RIMS2: variants seen among roughly 807,000 people sequenced by gnomAD.
RIMS2 encodes regulating synaptic membrane exocytosis protein 2.
Under a neutral mutation model 174.4 loss-of-function variants are expected in RIMS2, and 59 were observed. The ratio of observed to expected loss-of-function variants is 0.34; its 90% CI spans 0.27 to 0.42. The LOEUF (loss-of-function observed/expected upper bound fraction) is 0.42, where lower values mean the gene tolerates loss of function less well. Among genes scored for constraint, RIMS2 ranks in the 10% least tolerant of loss-of-function variants. The pLI is 1.00. For missense variants in RIMS2, 1,620 were observed against 1,666.3 expected (o/e 0.97, Z 0.48); for synonymous variants, 606 against 572.5 (o/e 1.06, Z -0.84).
chr8:103,677,207 G>A (rs2096825933), intron 1 of RIMS2, among the ~76,000 whole-genome samples: 1 of 151,916 alleles, frequency 6.6e-6, no homozygotes, highest in African/African-American at 2.4e-5. Context: ...TTGCCTCTCA[G>A]ATCCGCTTGA....
At chr8:103,607,074 T>G (rs2095133056) in intron 1 of RIMS2, among the ~76,000 whole-genome samples, 1 of 152,140 alleles carries the variant, frequency 6.6e-6, no homozygotes, top group Non-Finnish European at 1.5e-5. Flanking sequence ...TGCTCGTTAG[T>G]TGATGCAGTT....
intron 10 of RIMS2, 196 bp downstream of exon 13, chr8:103,921,980 A>G (rs760058095): frequency 2.1e-4 from 66 of 317,052 alleles, no homozygotes; most frequent in Non-Finnish European, 3.6e-4. Flanking sequence ...AGTTAGATTT[A>G]CTGAAATTTA....
At chr8:104,059,856 A>T (rs1388204765) in intron 19 of RIMS2, among the ~76,000 whole-genome samples, 10 of 152,136 alleles carry the variant, frequency 6.6e-5, no homozygotes, top group Admixed American at 6.5e-4. Flanking sequence ...TGTTCTGTTT[A>T]TATGCTGGAT....
intron 1 of RIMS2, among the ~76,000 whole-genome samples, chr8:103,639,173 C>G (rs2096166033): frequency 1.3e-5 from 2 of 152,010 alleles, no homozygotes; most frequent in Admixed American, 6.6e-5. Context: ...TTACAGTTAT[C>G]TAGTTAAAAT....
intron 2 of RIMS2, among the ~76,000 whole-genome samples, chr8:103,749,811 A>G (rs190948296): frequency 3.9e-5 from 6 of 152,310 alleles, no homozygotes; most frequent in Non-Finnish European, 7.3e-5. Flanking sequence ...AATTCATTTT[A>G]TAAATGTTCT....
intron 1 of RIMS2, among the ~76,000 whole-genome samples, chr8:103,645,522 A>G (rs1324295133): frequency 6.6e-6 from 1 of 152,086 alleles, no homozygotes; most frequent in Non-Finnish European, 1.5e-5. Flanking sequence ...AAAGTCTAGG[A>G]TTTTGCTGAC....
intron 3 of RIMS2, among the ~76,000 whole-genome samples, chr8:103,802,120 CT>C (rs2098613170): frequency 6.6e-6 from 1 of 152,080 alleles, no homozygotes; most frequent in Admixed American, 6.6e-5. Flanking sequence ...CAGCAGCACT[CT>C]TTTTTAAGCT....
chr8:103,917,186 C>G (rs1157995428), intron 8 of RIMS2, among the ~76,000 whole-genome samples: 1 of 152,080 alleles, frequency 6.6e-6, no homozygotes, highest in Non-Finnish European at 1.5e-5. Context: ...CAGAAAAATA[C>G]TACTGTTAGT....
chr8:104,076,118 C>T (rs1462859084), intron 19 of RIMS2, among the ~76,000 whole-genome samples: 5 of 152,118 alleles, frequency 3.3e-5, no homozygotes, highest in Non-Finnish European at 7.3e-5. Context: ...CAAATAAGAG[C>T]AGCATTATAT....
chr8:103,518,727 TTATGA>T (rs1295487037), intron 1 of RIMS2, among the ~76,000 whole-genome samples: 4 of 152,084 alleles, frequency 2.6e-5, no homozygotes, highest in African/African-American at 9.7e-5. Context: ...ATAGGGCCTG[TTATGA>T]TATGTTAACA....
chr8:103,858,933 T>C (rs1392896985), intron 3 of RIMS2, among the ~76,000 whole-genome samples: 3 of 152,080 alleles, frequency 2.0e-5, no homozygotes, highest in Non-Finnish European at 4.4e-5. Context: ...TTTGTGTGAA[T>C]GGGTTCAATC....
intron 2 of RIMS2, among the ~76,000 whole-genome samples, chr8:103,739,010 G>A (rs74481443): frequency 0.23 from 34,929 of 151,966 alleles, 4,308 homozygotes; most frequent in Non-Finnish European, 0.25. Context: ...ACCATTTGAC[G>A]TAGCCATCCC....
intron 2 of RIMS2, among the ~76,000 whole-genome samples, chr8:103,759,024 C>G (rs1018710991): frequency 6.6e-6 from 1 of 151,242 alleles, no homozygotes; most frequent in African/African-American, 2.4e-5. Flanking sequence ...CTTGTTTCTT[C>G]TATTCTTCTA....
At chr8:103,976,548 C>CTTTTTCTTTTTTTTTTT (rs1555075311) in intron 16 of RIMS2, 1 of 124,568 alleles carries the variant, frequency 8.0e-6, no homozygotes, top group Non-Finnish European at 1.7e-5. Flanking sequence ...TTTTCTTTTT[C>CTTTTTCTTTTTTTTTTT]TTTTTTTTTT....
chr8:103,798,730 G>A (rs2098577550), intron 3 of RIMS2, among the ~76,000 whole-genome samples: 1 of 152,100 alleles, frequency 6.6e-6, no homozygotes, highest in African/African-American at 2.4e-5. Context: ...GCATTATAAT[G>A]TGGTAGACAG....
intron 2 of RIMS2, among the ~76,000 whole-genome samples, chr8:103,717,753 C>T (rs1275210633): frequency 1.3e-5 from 2 of 152,186 alleles, no homozygotes; most frequent in Admixed American, 1.3e-4. Context: ...TGGGACATTG[C>T]AAATAAAATT....
intron 19 of RIMS2, among the ~76,000 whole-genome samples, chr8:104,064,376 T>G (rs2097064517): frequency 6.6e-6 from 1 of 152,166 alleles, no homozygotes; most frequent in African/African-American, 2.4e-5. Context: ...TATTTTGAGC[T>G]ATTTATTAAT....
At chr8:103,512,224 A>G (rs1472828034) in intron 1 of RIMS2, among the ~76,000 whole-genome samples, 1 of 152,168 alleles carries the variant, frequency 6.6e-6, no homozygotes, top group Non-Finnish European at 1.5e-5. Context: ...TAATGTCACT[A>G]TGGCTCCCTC....
At chr8:103,535,162 GA>G (rs1465288018) in intron 1 of RIMS2, among the ~76,000 whole-genome samples, 1 of 152,174 alleles carries the variant, frequency 6.6e-6, no homozygotes, top group Non-Finnish European at 1.5e-5. Flanking sequence ...CTGAATGTCA[GA>G]ACTTTCTCTT....
Sources: gnomAD v4.1 joint callset for allele counts (sites outside exome capture counted in the v4.1 genomes callset) on GRCh38, gnomAD v4.1.1 for gene constraint, MANE v1.5 for transcripts, NCBI Gene and HGNC (gene_info 2026-07-23, HGNC 2026-07-21) for gene names.